Variants in IFI44 observed in about 807,000 individuals in gnomAD.
IFI44 encodes interferon-induced protein 44.
Under a neutral mutation model 45.0 loss-of-function variants are expected in IFI44, and 42 were observed. The observed-to-expected ratio is 0.93, with a 90% confidence interval of 0.73 to 1.21. IFI44 has a LOEUF of 1.21. Ranked by LOEUF, IFI44 falls within the 50% of genes most tolerant of loss-of-function variation. IFI44 has a pLI of 0.00. For synonymous variants in IFI44, 221 were observed against 188.6 expected, an observed-to-expected ratio of 1.17 and a Z score of -1.41; for missense variants, 623 against 525.8, an observed-to-expected ratio of 1.18 and a Z score of -1.81.
rs273248 is a variant in IFI44 at position 78,659,155 on chromosome 1, C to T, written c.841-157C>T. Among the ~76,000 whole-genome samples the T allele has an allele frequency of 5.3e-3, 804 of 152,252 alleles. 9 individuals are homozygous for T. The highest frequency in any genetic ancestry group is 0.019 in the African/African-American group (778 of 41,558). ...GGTGAAAGGACTGCTGGCTTACTTG[C>T]ATAATGCCTGTCTTCTCTACCAAGA... On this transcript the variant is annotated intron_variant, in intron 5 of 8. Coordinates refer to ENST00000370747, the MANE Select transcript of IFI44 (RefSeq NM_006417.5).
At chr1:78,650,697 T>C (rs764487714) in intron 2 of IFI44, 45 bp downstream of exon 2, 1 of 1,287,096 alleles carries the variant, frequency 7.8e-7, no homozygotes, top group Admixed American at 2.3e-5. Flanking sequence ...CCCTTGCATG[T>C]TTGGTAGGTT....
Position 78,663,852 on chromosome 1 carries a change from GATTAAAATTCAGA to G in IFI44, c.*43_*55del, listed in dbSNP as rs1557708283. On this transcript the variant is annotated 3_prime_UTR_variant, in exon 9 of 9. Coordinates refer to ENST00000370747, the MANE Select transcript of IFI44 (RefSeq NM_006417.5). Reference sequence around the variant, plus strand: ...ACGTAAATTTCCTCACATCACAGAAGATTAAAATTCAGAAAGGAGAAAACACAGACCAAAGAGA... The same window carrying G: ...ACGTAAATTTCCTCACATCACAGAAGAAGGAGAAAACACAGACCAAAGAGA... 6.3e-7 allele frequency: 1 copy of G among 1,589,832 alleles called. No individual in the cohort carries two copies. Among genetic ancestry groups the G allele is most frequent in the East Asian group, 2.3e-5 (1 of 44,428 alleles).
Position 78,655,131 on chromosome 1 carries a change from C to A in IFI44, c.612C>A (p.Asn204Lys). Residue 204 changes from asparagine to lysine, a missense_variant, in exon 4 of 9, where the codon AAC (asparagine) becomes AAA (lysine). By Grantham distance (94) the Asn-to-Lys change is moderately conservative. Coordinates refer to ENST00000370747, the MANE Select transcript of IFI44 (RefSeq NM_006417.5). Reference protein sequence around the residue: ...PIGAGKSSFFNSVRSVFQGHV... With the variant: ...PIGAGKSSFFKSVRSVFQGHV... Reference sequence around the variant, plus strand: ...GAGCTGGGAAGTCCAGCTTTTTCAACTCAGTGAGGTCTGTTTTCCAAGGGC... The same window carrying A: ...GAGCTGGGAAGTCCAGCTTTTTCAAATCAGTGAGGTCTGTTTTCCAAGGGC... 1 of 1,613,946 alleles carries A rather than the reference C, an allele frequency of 6.2e-7. No homozygotes were observed. The highest frequency in any genetic ancestry group is 8.5e-7 in the Non-Finnish European group (1 of 1,179,888).
intron 8 of IFI44, chr1:78,663,546 T>C: frequency 1.0e-6 from 1 of 985,170 alleles, no homozygotes; most frequent in African/African-American, 1.7e-5. Context: ...TCACATCCTC[T>C]CCAATTCTCT....
chr1:78,655,330 A>T (rs1315340036), intron 4 of IFI44, 32 bp from the exon 5 acceptor site: 2 of 1,569,836 alleles, frequency 1.3e-6, no homozygotes, highest in Non-Finnish European at 1.7e-6. Flanking sequence ...ATAAAAAATG[A>T]ATCTTTAAAA....
chr1:78,663,880 G>A lies in IFI44; in HGVS notation c.*69G>A. On this transcript the variant is annotated 3_prime_UTR_variant, in exon 9 of 9. Transcript: ENST00000370747. ...TAAAATTCAGAAAGGAGAAAACACA[G>A]ACCAAAGAGAAGTATCTAAGACCAA... The A allele has an allele frequency of 6.8e-7, 1 of 1,479,892 alleles. No homozygotes were observed. 91.7% of individuals were successfully genotyped at this position (1,479,892 alleles called of 1,614,324 possible).
At chr1:78,657,810 A>T (rs928034713) in intron 5 of IFI44, among the ~76,000 whole-genome samples, 1 of 152,136 alleles carries the variant, frequency 6.6e-6, no homozygotes, top group African/African-American at 2.4e-5. Flanking sequence ...TTGAACATAC[A>T]TTGTGTGTTT....
At chr1:78,656,874 C>T (rs1647222571) in intron 5 of IFI44, among the ~76,000 whole-genome samples, 1 of 150,472 alleles carries the variant, frequency 6.6e-6, no homozygotes, top group Non-Finnish European at 1.5e-5. Flanking sequence ...TTTAAATATT[C>T]TTTTTTAAAT....
At chr1:78,659,559 G>T in intron 6 of IFI44, 76 bp downstream of exon 6, 2 of 1,197,372 alleles carry the variant, frequency 1.7e-6, no homozygotes, top group Admixed American at 2.2e-5. Context: ...AATGCTTTTT[G>T]GACAGGATAA....
At chr1:78,657,745 C>T (rs1380634807) in intron 5 of IFI44, among the ~76,000 whole-genome samples, 3 of 152,002 alleles carry the variant, frequency 2.0e-5, no homozygotes, top group Non-Finnish European at 2.9e-5. Context: ...ATCTCCTTCG[C>T]CTTTGCCAAT....
Position 78,655,033 on chromosome 1 carries a change from T to C in IFI44, c.514T>C (p.Ser172Pro). 1 of 1,613,008 alleles carries C rather than the reference T, an allele frequency of 6.2e-7. No individual in the cohort carries two copies. Among genetic ancestry groups the C allele is most frequent in the Non-Finnish European group, 8.5e-7 (1 of 1,179,408 alleles). Residue 172 changes from serine (S) to proline (P), a missense_variant, in exon 4 of 9, where the codon TCT (serine) becomes CCT (proline). By Grantham distance (74) the Ser-to-Pro change is moderately conservative (BLOSUM62 -1). Coordinates refer to ENST00000370747, the MANE Select transcript of IFI44 (RefSeq NM_006417.5). ...AAACAGGCTCAGGAAGAGCTTACTG[T>C]CTGCCTTGAGAACTTATGAACCATA... is the stretch of plus-strand genomic sequence containing the variant. Reference protein sequence around the residue: ...GVIELRKSLLSALRTYEPYGS... With the variant: ...GVIELRKSLLPALRTYEPYGS...
chr1:78,663,703 C>G, intron 8 of IFI44, 62 bp from the exon 9 acceptor site: 1 of 1,593,526 alleles, frequency 6.3e-7, no homozygotes, highest in Non-Finnish European at 8.5e-7. Context: ...CAATATTCCT[C>G]TTCCCTCTGG....
chr1:78,662,702 A>T lies in IFI44; in HGVS notation c.1114-2A>T, dbSNP rs2100480411. 1 of 1,608,542 alleles carries T rather than the reference A, an allele frequency of 6.2e-7. No individual in the cohort carries two copies. ...AATGTCTTTTTAATTTCTGTATTGC[A>T]GCTAGAGGAAGTCCAAAGAAAACTT... On this transcript the variant is annotated splice_acceptor_variant, in intron 7 of 8. Transcript: ENST00000370747. LOFTEE classifies it high-confidence loss of function.
In IFI44 at chr1:78,662,871, G is replaced by T; in HGVS notation, c.1281G>T (p.Glu427Asp). ...ADDFLEDLPF[E>D]QIGNLREEII... ...ACTTCTTAGAGGATTTGCCTTTTGA[G>T]CAAATAGGTAGATGGTTTGGTGGTG... The change falls in exon 8 of 9, where the codon GAG becomes GAT. Residue 427 changes from glutamate (E) to aspartate (D), a missense_variant. Glu to Asp is a conservative substitution (Grantham distance 45). Coordinates refer to ENST00000370747, the MANE Select transcript of IFI44 (RefSeq NM_006417.5). 1 of 1,589,050 alleles carries T rather than the reference G, an allele frequency of 6.3e-7. No individual in the cohort carries two copies. Among genetic ancestry groups the T allele is most frequent in the Middle Eastern group, 1.7e-4 (1 of 6,010 alleles).
Position 78,654,012 on chromosome 1 carries a change from T to C in IFI44, c.458-231T>C, listed in dbSNP as rs368645206. On this transcript the variant is annotated intron_variant, in intron 2 of 8. Coordinates refer to ENST00000370747, the MANE Select transcript of IFI44 (RefSeq NM_006417.5). Reference sequence around the variant, plus strand: ...AATTGAATGAGAAGAGATCTGCTGATAGTACAGAGGGTCTACTTACCTCTA... The same window carrying C: ...AATTGAATGAGAAGAGATCTGCTGACAGTACAGAGGGTCTACTTACCTCTA... 7.6e-4 allele frequency among the ~76,000 whole-genome samples: 115 copies of C among 152,306 alleles called. 2 individuals carry two copies. In the Middle Eastern group the frequency reaches 0.034, roughly 45 times the overall value.
chr1:78,658,072 C>G (rs552933317), intron 5 of IFI44, among the ~76,000 whole-genome samples: 1 of 151,944 alleles, frequency 6.6e-6, no homozygotes, highest in Non-Finnish European at 1.5e-5. Flanking sequence ...AAGTAATATA[C>G]ATTTTAATGA....
intron 2 of IFI44, among the ~76,000 whole-genome samples, chr1:78,653,741 G>T (rs1238787885): frequency 6.6e-6 from 1 of 152,178 alleles, no homozygotes; most frequent in East Asian, 1.9e-4. Context: ...TGAGCTGGAA[G>T]TTCCTGGAGT....
Position 78,663,753 on chromosome 1 carries a change from T to G in IFI44, c.1289-12T>G. 6.2e-7 allele frequency: 1 copy of G among 1,611,436 alleles called. No individual in the cohort carries two copies. The highest frequency in any genetic ancestry group is 8.5e-7 in the Non-Finnish European group (1 of 1,179,134). On this transcript the variant is annotated splice_polypyrimidine_tract_variant and intron_variant, in intron 8 of 8. Transcript: ENST00000370747. ...ATAATCCACTAAGAATATTTTGTGT[T>G]TCTTTTCTCAGGGAATCTAAGGGAG...
Position 78,662,736 on chromosome 1 carries a change from T to C in IFI44, c.1146T>C (p.Ala382=). 1 of 1,613,754 alleles carries C rather than the reference T, an allele frequency of 6.2e-7. No homozygotes were observed. ...LEEVQRKLGF[A]LSDISVVSNY... ...AAGTCCAAAGAAAACTTGGATTTGC[T>C]CTTTCTGACATCTCGGTGGTTAGCA... The change falls in exon 8 of 9, where the codon GCT becomes GCC. Residue 382 remains alanine (A), a synonymous_variant. Coordinates refer to ENST00000370747, the MANE Select transcript of IFI44 (RefSeq NM_006417.5).
Sources: allele counts gnomAD v4.1 joint callset (sites outside exome capture counted in the v4.1 genomes callset), GRCh38; gene constraint gnomAD v4.1.1; transcripts MANE v1.5; gene names NCBI Gene and HGNC (gene_info 2026-07-23, HGNC 2026-07-21).